The following CSTPP1 variants were observed in gnomAD, a reference collection of about 807,000 sequenced individuals.
CSTPP1 encodes the protein UPF0705 protein C11orf49.
At chr11:47,156,194 T>C in the CSTPP1 span, among the ~76,000 whole-genome samples, 2 of 152,224 alleles carry the variant, frequency 1.3e-5, no homozygotes, top group African/African-American at 4.8e-5. Flanking sequence ...TCTCGCCACC[T>C]GCTCTTAGCA....
the CSTPP1 span, among the ~76,000 whole-genome samples, chr11:46,956,636 T>G: frequency 2.4e-4 from 36 of 152,152 alleles, no homozygotes; most frequent in Non-Finnish European, 3.7e-4. Flanking sequence ...AACCCCCTTT[T>G]TCGAGGAGGC....
the CSTPP1 span, chr11:47,155,482 C>T: frequency 6.8e-6 from 4 of 591,206 alleles, no homozygotes; most frequent in Non-Finnish European, 9.1e-6. Flanking sequence ...AGACACTGAA[C>T]ACCGCAGTGT....
At chr11:47,035,265 G>C in the CSTPP1 span, among the ~76,000 whole-genome samples, 2 of 152,190 alleles carry the variant, frequency 1.3e-5, no homozygotes, top group African/African-American at 2.4e-5. Flanking sequence ...ACTTTATCTT[G>C]TAACGTCATG....
At chr11:46,958,917 CACCCACATTGGT>C in the CSTPP1 span, among the ~76,000 whole-genome samples, 1 of 152,170 alleles carries the variant, frequency 6.6e-6, no homozygotes, top group East Asian at 1.9e-4. Context: ...AGATGGTGCC[CACCCACATTGGT>C]GAAGGTGAAT....
chr11:47,151,716 T>C, the CSTPP1 span, among the ~76,000 whole-genome samples: 1 of 151,758 alleles, frequency 6.6e-6, no homozygotes, highest in South Asian at 2.1e-4. Flanking sequence ...TAGCCAGTCT[T>C]ACTTCTTGCA....
the CSTPP1 span, chr11:47,041,704 A>G: frequency 2.0e-6 from 1 of 509,296 alleles, no homozygotes; most frequent in South Asian, 1.7e-5. Context: ...TTCCACAGTG[A>G]AGAGGTTGTC....
At chr11:47,163,149 GTGAC>G in the CSTPP1 span, among the ~76,000 whole-genome samples, 1 of 146,316 alleles carries the variant, frequency 6.8e-6, no homozygotes, top group Non-Finnish European at 1.5e-5. Flanking sequence ...TCCCGTCTGA[GTGAC>G]TGACAGAATG....
At chr11:47,112,368 C>T in the CSTPP1 span, among the ~76,000 whole-genome samples, 9 of 152,252 alleles carry the variant, frequency 5.9e-5, no homozygotes, top group African/African-American at 2.2e-4. Flanking sequence ...GTCACCCAGG[C>T]TGGAGTCCAG....
At chr11:47,060,258 C>CTTTTTTTTTTTTTTTTTT in the CSTPP1 span, among the ~76,000 whole-genome samples, 2 of 99,014 alleles carry the variant, frequency 2.0e-5, no homozygotes, top group African/African-American at 8.1e-5. Flanking sequence ...CTTTTCTTTT[C>CTTTTTTTTTTTTTTTTTT]TTTTTTTTTT....
chr11:47,041,024 G>T, the CSTPP1 span: 1 of 153,380 alleles, frequency 6.5e-6, no homozygotes, highest in Non-Finnish European at 1.5e-5. Flanking sequence ...CAGTGGTGCT[G>T]CTGGGTGCTA....
the CSTPP1 span, among the ~76,000 whole-genome samples, chr11:46,979,387 C>G: frequency 6.6e-6 from 1 of 152,058 alleles, no homozygotes; most frequent in African/African-American, 2.4e-5. Context: ...ATGATACTTT[C>G]TGGAAAATAG....
the CSTPP1 span, among the ~76,000 whole-genome samples, chr11:47,027,471 A>G: frequency 6.6e-6 from 1 of 152,206 alleles, no homozygotes; most frequent in African/African-American, 2.4e-5. Flanking sequence ...CCTTAGCAGC[A>G]GCCCCCAGGG....
the CSTPP1 span, chr11:47,137,234 C>T: frequency 3.2e-6 from 4 of 1,258,490 alleles, no homozygotes; most frequent in Non-Finnish European, 4.2e-6. Flanking sequence ...TGTGGATGGT[C>T]TTTGGGCATG....
the CSTPP1 span, among the ~76,000 whole-genome samples, chr11:47,158,217 C>T: frequency 1.3e-5 from 2 of 152,200 alleles, no homozygotes; most frequent in African/African-American, 2.4e-5. Context: ...CTTTGGGGAG[C>T]AGCCTGCAGG....
chr11:47,021,903 CCCAATGACAT>C, the CSTPP1 span, among the ~76,000 whole-genome samples: 11,968 of 152,150 alleles, frequency 0.079, 491 homozygotes, highest in Non-Finnish European at 0.089. Flanking sequence ...AGGTTAGAAA[CCCAATGACAT>C]CTTCTGAGAG....
the CSTPP1 span, among the ~76,000 whole-genome samples, chr11:47,086,750 GATTAA>G: frequency 6.6e-6 from 1 of 152,240 alleles, no homozygotes; most frequent in East Asian, 1.9e-4. Context: ...TAGTCCTGAT[GATTAA>G]ATTAAATAAT....
At chr11:46,993,879 T>A in the CSTPP1 span, among the ~76,000 whole-genome samples, 1 of 152,204 alleles carries the variant, frequency 6.6e-6, no homozygotes, top group Non-Finnish European at 1.5e-5. Context: ...GTATGGCCAT[T>A]TTCACGATAT....
chr11:46,964,601 A>G, the CSTPP1 span, among the ~76,000 whole-genome samples: 1 of 152,044 alleles, frequency 6.6e-6, no homozygotes, highest in Admixed American at 6.6e-5. Flanking sequence ...GCTTTCTCTT[A>G]TCTCTGGGCC....
chr11:47,044,453 T>C, the CSTPP1 span, among the ~76,000 whole-genome samples: 1 of 152,148 alleles, frequency 6.6e-6, no homozygotes, highest in Non-Finnish European at 1.5e-5. Context: ...TCTTGCAGAA[T>C]TGTAGAATCT....
Sources: gnomAD v4.1 joint callset for allele counts (sites outside exome capture counted in the v4.1 genomes callset) on GRCh38, gnomAD v4.1.1 for gene constraint, MANE v1.5 for transcripts, NCBI Gene and HGNC (gene_info 2026-07-23, HGNC 2026-07-21) for gene names.